Variants in SNX10 observed in about 807,000 individuals in gnomAD.
SNX10 encodes sorting nexin 10.
SNX10 carries 25 observed loss-of-function variants against 28.5 expected under a neutral mutation model. The ratio of observed to expected loss-of-function variants is 0.88; its 90% CI spans 0.64 to 1.22. The LOEUF (loss-of-function observed/expected upper bound fraction) is 1.22, where lower values mean the gene tolerates loss of function less well. SNX10 is among the 50% of genes most tolerant of loss of function. The pLI, the probability that SNX10 is intolerant of heterozygous loss-of-function variation, is 0.00. For synonymous variants in SNX10, 62 were observed against 81.4 expected, an observed-to-expected ratio of 0.76 and a Z score of 1.28; for missense variants, 223 against 242.6, an observed-to-expected ratio of 0.92 and a Z score of 0.54.
At chr7:26,357,856 A>G (rs1339488470) in intron 2 of SNX10, among the ~76,000 whole-genome samples, 1 of 152,062 alleles carries the variant, frequency 6.6e-6, no homozygotes, top group African/African-American at 2.4e-5. Flanking sequence ...GGGTATGGAC[A>G]TGGCGTGCTC....
intron 2 of SNX10, chr7:26,357,124 A>G (rs748642147): frequency 2.4e-6 from 2 of 827,282 alleles, no homozygotes; most frequent in Middle Eastern, 2.9e-4. Flanking sequence ...GAGGAGGCCT[A>G]CAGGTAATTA....
intron 2 of SNX10, among the ~76,000 whole-genome samples, chr7:26,349,661 A>G (rs1369079941): frequency 2.0e-5 from 3 of 151,978 alleles, no homozygotes; most frequent in Admixed American, 2.0e-4. Flanking sequence ...AATTAGATGG[A>G]CCCAACTGAA....
In SNX10 at chr7:26,364,486, T is replaced by C; in HGVS notation, c.112-49T>C. ...TATTGTGAATTATAGATACAAGAAA[T>C]GCATTTTTTTCCTCAGGTAAGACTC... On this transcript the variant is annotated intron_variant, in intron 3 of 6. Transcript: ENST00000338523. The surrounding 1 kb of genome is among the most constrained non-coding windows in gnomAD (Gnocchi z 4.9). The C allele has an allele frequency of 6.4e-7, 1 of 1,557,258 alleles. No individual in the cohort carries two copies. The highest frequency in any genetic ancestry group is 1.2e-5 in the South Asian group (1 of 83,046).
intron 3 of SNX10, among the ~76,000 whole-genome samples, chr7:26,361,600 T>G (rs1789072149): frequency 6.6e-6 from 1 of 152,196 alleles, no homozygotes; most frequent in Non-Finnish European, 1.5e-5. Flanking sequence ...TGTATCACAA[T>G]CTCTTGAAAA....
At chr7:26,294,772 AC>A (rs1786048141) in intron 1 of SNX10, among the ~76,000 whole-genome samples, 1 of 152,172 alleles carries the variant, frequency 6.6e-6, no homozygotes, top group Non-Finnish European at 1.5e-5. Context: ...TACGTTAACA[AC>A]CCTTGAGATA....
chr7:26,327,137 G>A (rs1441422025), intron 1 of SNX10, among the ~76,000 whole-genome samples: 1 of 152,056 alleles, frequency 6.6e-6, no homozygotes, highest in Non-Finnish European at 1.5e-5. Flanking sequence ...TTTTAGTAGA[G>A]ATGGGGTTTT....
At chr7:26,353,041 C>G (rs1056437244) in intron 2 of SNX10, among the ~76,000 whole-genome samples, 9 of 151,834 alleles carry the variant, frequency 5.9e-5, no homozygotes, top group African/African-American at 2.2e-4. Context: ...AAAGGTAACT[C>G]GCTGATTTGG....
chr7:26,306,364 C>T (rs1786592496), intron 1 of SNX10, among the ~76,000 whole-genome samples: 1 of 151,948 alleles, frequency 6.6e-6, no homozygotes, highest in South Asian at 2.1e-4. Context: ...AAATATTCTG[C>T]TCCCTAAACA....
chr7:26,299,949 G>T (rs567099618), intron 1 of SNX10, among the ~76,000 whole-genome samples: 3 of 151,888 alleles, frequency 2.0e-5, no homozygotes, highest in African/African-American at 7.3e-5. Context: ...GGTGGCTCAC[G>T]CCTGTAATCC....
At chr7:26,336,394 T>TA (rs1051656679) in intron 1 of SNX10, among the ~76,000 whole-genome samples, 1 of 151,952 alleles carries the variant, frequency 6.6e-6, no homozygotes, top group African/African-American at 2.4e-5. Flanking sequence ...AAAGTGCTTT[T>TA]AAAAAATCAC....
chr7:26,300,249 A>T (rs1379576503), intron 1 of SNX10, among the ~76,000 whole-genome samples: 2 of 144,822 alleles, frequency 1.4e-5, no homozygotes, highest in African/African-American at 5.1e-5. Context: ...CAAAATAATA[A>T]TTTTTTTTTT....
intron 1 of SNX10, among the ~76,000 whole-genome samples, chr7:26,335,264 G>A (rs367969060): frequency 8.5e-5 from 13 of 152,108 alleles, no homozygotes; most frequent in East Asian, 7.7e-4. Flanking sequence ...TGTGTTATAC[G>A]GGTATAACAC....
chr7:26,305,883 T>C (rs73283358), intron 1 of SNX10, among the ~76,000 whole-genome samples: 1,912 of 152,228 alleles, frequency 0.013, 45 homozygotes, highest in African/African-American at 0.044. Context: ...CACCCACTTC[T>C]GTTATTTTAA....
chr7:26,304,881 G>A (rs1403623987), intron 1 of SNX10, among the ~76,000 whole-genome samples: 23 of 152,172 alleles, frequency 1.5e-4, no homozygotes, highest in Admixed American at 1.5e-3. Context: ...TCCTTAGAGA[G>A]CTGATTAAGC....
rs368154708 is a variant in SNX10 at position 26,291,922 on chromosome 7, TGCGCGGGGAGCGCGGGGA to T, written c.-170_-153del. ...TGAGCGCGGGCGCGGGGCCGCTACG[TGCGCGGGGAGCGCGGGGA>T]GCGCGGGGAGCGCGGGGCTGCGCTC... On this transcript the variant is annotated 5_prime_UTR_variant, in exon 1 of 7. Coordinates refer to ENST00000338523, the MANE Select transcript of SNX10 (RefSeq NM_013322.3). 0.014 allele frequency: 2,156 copies of T among 149,390 alleles called. 32 individuals are homozygous for T. The highest frequency in any genetic ancestry group is 0.027 in the Middle Eastern group (8 of 292). The allele number at this position is 149,390 out of a possible 1,614,324, so 9.3% of individuals were successfully genotyped here.
chr7:26,372,909 T>C lies in SNX10; in HGVS notation c.*337T>C, dbSNP rs548723166. 1 of 224,244 alleles carries C rather than the reference T, an allele frequency of 4.5e-6. No homozygotes were observed. Among genetic ancestry groups the C allele is most frequent in the African/African-American group, 2.3e-5 (1 of 43,240 alleles). 13.9% of individuals were successfully genotyped at this position (224,244 alleles called of 1,614,324 possible). On this transcript the variant is annotated 3_prime_UTR_variant, in exon 7 of 7. Transcript: ENST00000338523. ...AAAAAGATAGGTAACTAAGTAGCAT[T>C]TAAAATCAAGATAGAGCATTCCTTC...
chr7:26,363,662 A>G (rs1287344273), intron 3 of SNX10, among the ~76,000 whole-genome samples: 1 of 152,114 alleles, frequency 6.6e-6, no homozygotes, highest in Non-Finnish European at 1.5e-5. Context: ...CTCTCGTCTT[A>G]TGTTTACCCA....
intron 1 of SNX10, among the ~76,000 whole-genome samples, chr7:26,318,633 C>T (rs955402171): frequency 7.2e-5 from 11 of 152,088 alleles, no homozygotes; most frequent in Admixed American, 5.2e-4. Context: ...AAAAATGCTT[C>T]GCTAATTTTT....
In SNX10 at chr7:26,373,640, G is replaced by C. The variant is rs1789662249; in HGVS notation, c.*1068G>C. The C allele has an allele frequency of 6.6e-6, 1 of 151,724 alleles. No individual in the cohort carries two copies. Among genetic ancestry groups the C allele is most frequent in the South Asian group, 2.1e-4 (1 of 4,818 alleles). 9.4% of individuals were successfully genotyped at this position (151,724 alleles called of 1,614,324 possible). A position where few individuals can be genotyped will look rare whatever the true frequency, so the allele number is the denominator to read the frequency against. On this transcript the variant is annotated 3_prime_UTR_variant, in exon 7 of 7. Transcript: ENST00000338523. This position sits in a 1 kb window ranked among gnomAD's most constrained non-coding sequence, Gnocchi z 4.2. ...CTTAGATAAACTATTTTGAAGTTCAGATTTCAGATGAGGCAACATTTTCTT... is the reference window on the plus strand; with the variant it reads ...CTTAGATAAACTATTTTGAAGTTCACATTTCAGATGAGGCAACATTTTCTT...
Sources: gnomAD v4.1 joint callset for allele counts (sites outside exome capture counted in the v4.1 genomes callset) on GRCh38, gnomAD v4.1.1 for gene constraint, Gnocchi (gnomAD v3.1) non-coding constraint, MANE v1.5 for transcripts, NCBI Gene and HGNC (gene_info 2026-07-23, HGNC 2026-07-21) for gene names.